The following MAGI1 variants were observed in gnomAD, a reference collection of about 807,000 sequenced individuals.
MAGI1 encodes the protein membrane-associated guanylate kinase, WW and PDZ domain-containing protein 1.
In MAGI1, 58 loss-of-function variants were observed where a neutral mutation model predicts 139.9. The ratio of observed to expected loss-of-function variants is 0.41; its 90% CI spans 0.34 to 0.52. The LOEUF is 0.52. Ranked by LOEUF, MAGI1 falls within the 20% of genes least tolerant of loss-of-function variation. The pLI, the probability that MAGI1 is intolerant of heterozygous loss-of-function variation, is 0.12. For synonymous variants in MAGI1, 812 were observed against 737.9 expected (o/e 1.10, Z -1.63); for missense variants, 1,874 against 1,901.6 (o/e 0.99, Z 0.27).
chr3:65,811,033 C>T (rs1307948268), intron 1 of MAGI1, among the ~76,000 whole-genome samples: 1 of 152,188 alleles, frequency 6.6e-6, no homozygotes, highest in African/African-American at 2.4e-5. Context: ...CACACATGGA[C>T]AAACGAAAGC....
At chr3:65,868,055 G>A (rs539592849) in intron 1 of MAGI1, among the ~76,000 whole-genome samples, 40 of 152,238 alleles carry the variant, frequency 2.6e-4, no homozygotes, top group Admixed American at 2.6e-3. Flanking sequence ...AATTCTTAGG[G>A]TCCATATGCT....
intron 1 of MAGI1, among the ~76,000 whole-genome samples, chr3:65,754,425 C>A (rs536376477): frequency 6.6e-6 from 1 of 152,320 alleles, no homozygotes; most frequent in African/African-American, 2.4e-5. Flanking sequence ...ATTTTATGCT[C>A]ACTCACTTGT....
At chr3:65,546,522 A>G (rs186546487) in intron 2 of MAGI1, among the ~76,000 whole-genome samples, 1 of 152,210 alleles carries the variant, frequency 6.6e-6, no homozygotes, top group African/African-American at 2.4e-5. Context: ...ACGTTCATCT[A>G]TGTCAAGGTT....
At chr3:65,939,665 C>G (rs1185182781) in intron 1 of MAGI1, among the ~76,000 whole-genome samples, 1 of 152,146 alleles carries the variant, frequency 6.6e-6, no homozygotes, top group Non-Finnish European at 1.5e-5. Flanking sequence ...GACAGGCCCT[C>G]CGATCTTCCC....
chr3:65,670,443 T>C (rs1316148609), intron 1 of MAGI1, among the ~76,000 whole-genome samples: 1 of 152,046 alleles, frequency 6.6e-6, no homozygotes, highest in Non-Finnish European at 1.5e-5. Context: ...TTATTTGAAT[T>C]CCTGGCTTTT....
At chr3:66,033,128 A>G (rs2068729905) in intron 1 of MAGI1, among the ~76,000 whole-genome samples, 1 of 151,618 alleles carries the variant, frequency 6.6e-6, no homozygotes, top group African/African-American at 2.4e-5. Flanking sequence ...TCCTGGTCTC[A>G]AGCGATTCTC....
At chr3:65,730,223 C>T (rs2034048197) in intron 1 of MAGI1, among the ~76,000 whole-genome samples, 1 of 152,132 alleles carries the variant, frequency 6.6e-6, no homozygotes, top group Non-Finnish European at 1.5e-5. Context: ...GTAGCTTAAA[C>T]AGTTAGTGGC....
intron 1 of MAGI1, among the ~76,000 whole-genome samples, chr3:65,825,880 C>T (rs1019784346): frequency 2.6e-5 from 4 of 151,886 alleles, no homozygotes; most frequent in Non-Finnish European, 5.9e-5. Context: ...CCCAGCTACT[C>T]GGGAGGCTGA....
chr3:65,577,244 C>T (rs532333321), intron 2 of MAGI1, among the ~76,000 whole-genome samples: 12 of 151,952 alleles, frequency 7.9e-5, no homozygotes, highest in African/African-American at 1.4e-4. Flanking sequence ...TTAAAGGATA[C>T]GCCAAAAAAA....
chr3:65,605,488 G>A (rs968693039), intron 2 of MAGI1, among the ~76,000 whole-genome samples: 1 of 152,102 alleles, frequency 6.6e-6, no homozygotes, highest in Non-Finnish European at 1.5e-5. Flanking sequence ...CTTCCTGTAG[G>A]CCATGCACAA....
chr3:65,828,632 T>C (rs1397281824), intron 1 of MAGI1, among the ~76,000 whole-genome samples: 2 of 152,188 alleles, frequency 1.3e-5, no homozygotes, highest in South Asian at 2.1e-4. Flanking sequence ...GGCTGAATAA[T>C]GGCCCCCTAA....
intron 1 of MAGI1, among the ~76,000 whole-genome samples, chr3:65,942,035 C>T (rs186642154): frequency 2.0e-5 from 3 of 152,324 alleles, no homozygotes; most frequent in Non-Finnish European, 2.9e-5. Context: ...GATCCGCCTG[C>T]CTTGGCCTCC....
At chr3:65,912,605 A>G (rs1254224266) in intron 1 of MAGI1, among the ~76,000 whole-genome samples, 1 of 152,250 alleles carries the variant, frequency 6.6e-6, no homozygotes, top group African/African-American at 2.4e-5. Flanking sequence ...TGGAAAACCA[A>G]TTTCACTTAA....
At chr3:65,533,179 A>T (rs1467672805) in intron 2 of MAGI1, among the ~76,000 whole-genome samples, 1 of 152,134 alleles carries the variant, frequency 6.6e-6, no homozygotes, top group African/African-American at 2.4e-5. Context: ...GTTTCTTCCA[A>T]ATCCTGGGTG....
chr3:65,783,072 A>G (rs2039066494), intron 1 of MAGI1, among the ~76,000 whole-genome samples: 1 of 152,150 alleles, frequency 6.6e-6, no homozygotes, highest in African/African-American at 2.4e-5. Flanking sequence ...GTTGCAAACA[A>G]CACCATCAAG....
At chr3:65,803,262 G>A (rs1197877109) in intron 1 of MAGI1, among the ~76,000 whole-genome samples, 1 of 152,102 alleles carries the variant, frequency 6.6e-6, no homozygotes, top group African/African-American at 2.4e-5. Context: ...ATTTAACACT[G>A]TTTGGACTAA....
At chr3:65,786,859 C>A (rs188340241) in intron 1 of MAGI1, among the ~76,000 whole-genome samples, 1 of 152,182 alleles carries the variant, frequency 6.6e-6, no homozygotes, top group Admixed American at 6.5e-5. Context: ...TCGTGATCCG[C>A]CCGCCTCGGC....
chr3:65,454,526 T>TACAATAATA (rs1553646589), intron 5 of MAGI1, among the ~76,000 whole-genome samples: 8 of 83,104 alleles, frequency 9.6e-5, no homozygotes, highest in East Asian at 8.8e-4. Context: ...AAACTGAAAG[T>TACAATAATA]ATAATAATAA....
intron 12 of MAGI1, among the ~76,000 whole-genome samples, chr3:65,425,155 A>C (rs940038439): frequency 2.5e-4 from 38 of 149,608 alleles, no homozygotes; most frequent in Non-Finnish European, 4.1e-4. Context: ...CACATGCCTA[A>C]ACATCATACA....
Sources: allele counts gnomAD v4.1 joint callset (sites outside exome capture counted in the v4.1 genomes callset), GRCh38; gene constraint gnomAD v4.1.1; transcripts MANE v1.5; gene names NCBI Gene and HGNC (gene_info 2026-07-23, HGNC 2026-07-21).